Variants in EGFR observed in about 807,000 individuals in gnomAD.
EGFR encodes avian erythroblastic leukemia viral (v-erb-b) oncogene homolog.
EGFR carries 58 observed loss-of-function variants against 143.0 expected under a neutral mutation model. The observed-to-expected ratio is 0.41, with a 90% CI of 0.33 to 0.50. The LOEUF (loss-of-function observed/expected upper bound fraction) is 0.50. Ranked by LOEUF, EGFR falls within the 20% of genes least tolerant of loss-of-function variation. EGFR has a pLI of 0.39. For missense variants in EGFR, 1,307 were observed against 1,579.0 expected (o/e 0.83, Z 2.92); for synonymous variants, 613 against 594.4 (o/e 1.03, Z -0.45).
chr7:55,075,892 G>C (rs11971997), intron 1 of EGFR, among the ~76,000 whole-genome samples: 130,456 of 152,212 alleles, frequency 0.86, 56,242 homozygotes, highest in East Asian at 0.97. Context: ...GGCTTTCAAG[G>C]GGTGGGGGTG....
chr7:55,201,429 T>C (rs749096917), intron 25 of EGFR, 74 bp downstream of exon 25: 17 of 1,601,298 alleles, frequency 1.1e-5, no homozygotes, highest in Non-Finnish European at 1.4e-5. Context: ...TTAGGGAAAA[T>C]AACCATCTAG....
chr7:55,194,418 G>A (rs773770988), intron 22 of EGFR, among the ~76,000 whole-genome samples: 10 of 151,990 alleles, frequency 6.6e-5, no homozygotes, highest in Non-Finnish European at 1.3e-4. Context: ...AGTTGAGACA[G>A]GGTTTCACTA....
At chr7:55,067,094 G>T (rs1035550802) in intron 1 of EGFR, among the ~76,000 whole-genome samples, 12 of 152,184 alleles carry the variant, frequency 7.9e-5, no homozygotes, top group African/African-American at 2.7e-4. Flanking sequence ...CTCTCCTGCA[G>T]CACTGCTGTC....
chr7:55,155,769 G>T, intron 7 of EGFR, 61 bp from the exon 8 acceptor site: 1 of 1,373,456 alleles, frequency 7.3e-7, no homozygotes, highest in South Asian at 1.2e-5. Flanking sequence ...TGGACCGCCT[G>T]TGTGAGGCCC....
chr7:55,198,654 G>T (rs2128968510), intron 22 of EGFR, 63 bp from the exon 23 acceptor site: 3 of 1,608,944 alleles, frequency 1.9e-6, no homozygotes, highest in South Asian at 1.1e-5. Context: ...GATGACTAAA[G>T]CAAGGGATTG....
rs1794109566 is a variant in EGFR at position 55,135,885 on chromosome 7, T to A, written c.89-6401T>A. 2.0e-5 allele frequency among the ~76,000 whole-genome samples: 3 copies of A among 151,434 alleles called. No individual in the cohort carries two copies. In the South Asian group the frequency reaches 6.3e-4, roughly 32 times the overall value. ...CTTCTTTAGCCTTCTTTAACACTGA[T>A]TTTTGTAAATTTTTTACAGATTTTT... On this transcript the variant is annotated intron_variant, in intron 1 of 27. Transcript: ENST00000275493.
At chr7:55,201,852 C>A (rs1787864133) in intron 26 of EGFR, 70 bp downstream of exon 26, 1 of 1,539,046 alleles carries the variant, frequency 6.5e-7, no homozygotes, top group Non-Finnish European at 9.0e-7. Flanking sequence ...ATGGAAAATG[C>A]CTTAACCTAA....
At chr7:55,076,615 C>T (rs545946838) in intron 1 of EGFR, among the ~76,000 whole-genome samples, 12 of 152,270 alleles carry the variant, frequency 7.9e-5, no homozygotes, top group African/African-American at 2.4e-4. Flanking sequence ...CACACCCCTT[C>T]GCCTATTATC....
Position 55,206,342 on chromosome 7 carries a change from T to C in EGFR, c.*725T>C. On this transcript the variant is annotated 3_prime_UTR_variant, in exon 28 of 28. Coordinates refer to ENST00000275493, the MANE Select transcript of EGFR (RefSeq NM_005228.5). Reference sequence around the variant, plus strand: ...ACCAGTGGTTTCCAGTCATGAGCGTTAGACTGACTTGTTTGTCTTCCATTC... The same window carrying C: ...ACCAGTGGTTTCCAGTCATGAGCGTCAGACTGACTTGTTTGTCTTCCATTC... 4.3e-6 allele frequency: 1 copy of C among 233,812 alleles called. No individual in the cohort carries two copies. The highest frequency in any genetic ancestry group is 8.4e-6 in the Non-Finnish European group (1 of 118,450). 14.5% of individuals were successfully genotyped at this position (233,812 alleles called of 1,614,324 possible). A position where few individuals can be genotyped will look rare whatever the true frequency, so the allele number is the denominator to read the frequency against.
At chr7:55,091,601 G>T (rs1791117214) in intron 1 of EGFR, among the ~76,000 whole-genome samples, 2 of 152,188 alleles carry the variant, frequency 1.3e-5, no homozygotes, top group African/African-American at 4.8e-5. Flanking sequence ...GAAATGTCAT[G>T]TCGAAGCTAT....
At chr7:55,163,038 C>T (rs113517731) in intron 13 of EGFR, among the ~76,000 whole-genome samples, 2 of 152,146 alleles carry the variant, frequency 1.3e-5, no homozygotes, top group Admixed American at 6.5e-5. Context: ...GTGATCTGCC[C>T]GCCTCGGCCT....
At chr7:55,102,620 T>C (rs1791893961) in intron 1 of EGFR, among the ~76,000 whole-genome samples, 2 of 152,184 alleles carry the variant, frequency 1.3e-5, no homozygotes, top group Non-Finnish European at 2.9e-5. Context: ...CAATATATGG[T>C]TTTCCCCTGA....
At chr7:55,022,770 C>T (rs1457792184) in intron 1 of EGFR, among the ~76,000 whole-genome samples, 7 of 152,194 alleles carry the variant, frequency 4.6e-5, no homozygotes, top group Admixed American at 6.5e-5. Flanking sequence ...TCTGGCTTCA[C>T]GTATTTAGTT....
rs1218575615 is a variant in EGFR at position 55,104,789 on chromosome 7, A to G, written c.89-37497A>G. Among the ~76,000 whole-genome samples the G allele has an allele frequency of 7.9e-5, 12 of 152,308 alleles. No individual in the cohort carries two copies. The South Asian group carries it at 1.0e-3, about 13-fold the overall frequency. The stretch of plus-strand genomic sequence containing the variant: ...CTCTTTTCATCCAAAAATTCATGTT[A>G]CTGCCCCACATTTTTTCTGTTGTTT... On this transcript the variant is annotated intron_variant, in intron 1 of 27. Coordinates refer to ENST00000275493, the MANE Select transcript of EGFR (RefSeq NM_005228.5).
rs117420095 is a variant in EGFR, at chr7:55,181,298, C to G, written c.2289C>G (p.Ala763=). 7.9e-4 allele frequency: 1,274 copies of G among 1,614,186 alleles called. No individual in the cohort carries two copies. Among genetic ancestry groups the G allele is most frequent in the Non-Finnish European group, 9.9e-4 (1,166 of 1,180,040 alleles). Residue 763 remains alanine, a synonymous_variant, in exon 20 of 28, where the codon GCC becomes GCG. Coordinates refer to ENST00000275493, the MANE Select transcript of EGFR (RefSeq NM_005228.5). The part of the protein sequence containing the change: ...PKANKEILDE[A]YVMASVDNPH... ...GTGCCTCTCCCTCCCTCCAGGAAGC[C>G]TACGTGATGGCCAGCGTGGACAACC... is the stretch of plus-strand genomic sequence containing the variant.
At chr7:55,174,072 T>G in intron 18 of EGFR, 29 bp downstream of exon 18, 1 of 1,614,028 alleles carries the variant, frequency 6.2e-7, no homozygotes, top group Non-Finnish European at 8.5e-7. Flanking sequence ...GCCTCTGGGC[T>G]GGGCCGCAGG....
rs144352709 is a variant in EGFR, at chr7:55,145,096, C to A, written c.425-1510C>A. Reference sequence around the variant, plus strand: ...GCAGGGTGAGCCTCCCCTAAGCCACCGGGAAGCGGCTCCTGCAGCCTCCCT... The same window carrying A: ...GCAGGGTGAGCCTCCCCTAAGCCACAGGGAAGCGGCTCCTGCAGCCTCCCT... On this transcript the variant is annotated intron_variant, in intron 3 of 27. Coordinates refer to ENST00000275493, the MANE Select transcript of EGFR (RefSeq NM_005228.5). Among the ~76,000 whole-genome samples, 6 of 152,200 alleles carry A rather than the reference C, an allele frequency of 3.9e-5. No individual in the cohort carries two copies. In the East Asian group the frequency reaches 9.6e-4, roughly 24 times the overall value.
rs534946052 is a variant in EGFR at position 55,098,136 on chromosome 7, T to C, written c.89-44150T>C. ...GTGTAGTTGATGGAGAAAATAATCT[T>C]TATCCTTAGCCTCCATCTGGTTGCA... On this transcript the variant is annotated intron_variant, in intron 1 of 27. Transcript: ENST00000275493. Among the ~76,000 whole-genome samples the C allele has an allele frequency of 7.2e-5, 11 of 152,360 alleles. 1 individual carries two copies. The South Asian group carries it at 2.3e-3, about 32-fold the overall frequency.
At chr7:55,150,698 G>C (rs1165999900) in intron 4 of EGFR, among the ~76,000 whole-genome samples, 2 of 152,198 alleles carry the variant, frequency 1.3e-5, no homozygotes, top group African/African-American at 4.8e-5. Flanking sequence ...GCTATAATTT[G>C]TAATCGGCCA....
Sources: gnomAD v4.1 joint callset for allele counts (sites outside exome capture counted in the v4.1 genomes callset) on GRCh38, gnomAD v4.1.1 for gene constraint, MANE v1.5 for transcripts, NCBI Gene and HGNC (gene_info 2026-07-23, HGNC 2026-07-21) for gene names.